Variants in PRUNE2 observed in about 807,000 individuals in gnomAD.
PRUNE2 encodes protein prune homolog 2.
Under a neutral mutation model 252.0 loss-of-function variants are expected in PRUNE2, and 164 were observed. The ratio of observed to expected loss-of-function variants is 0.65; its 90% CI spans 0.57 to 0.74. The LOEUF (loss-of-function observed/expected upper bound fraction) is 0.74. Ranked by LOEUF, PRUNE2 falls within the 30% of genes least tolerant of loss-of-function variation. PRUNE2 has a pLI of 0.00. For synonymous variants in PRUNE2, 1,292 were observed against 1,350.2 expected (o/e 0.96, Z 0.94); for missense variants, 3,495 against 3,711.0 (o/e 0.94, Z 1.51).
chr9:76,866,104 T>C (rs547610931), intron 1 of PRUNE2, among the ~76,000 whole-genome samples: 45 of 152,348 alleles, frequency 3.0e-4, no homozygotes, highest in African/African-American at 1.1e-3. Context: ...TATTGAACTC[T>C]ACCAAAACAT....
intron 7 of PRUNE2, 22 bp from the exon 8 acceptor site, chr9:76,711,380 T>C: frequency 6.4e-7 from 1 of 1,564,690 alleles, no homozygotes; most frequent in Non-Finnish European, 8.7e-7. Context: ...CACAGGAATT[T>C]GTGTCAGCAC....
chr9:76,701,795 T>C (rs2045909093), intron 9 of PRUNE2, among the ~76,000 whole-genome samples: 2 of 152,208 alleles, frequency 1.3e-5, no homozygotes, highest in South Asian at 4.1e-4. Flanking sequence ...AGAAATGTAA[T>C]TTGTGAATGC....
chr9:76,788,318 T>C, intron 6 of PRUNE2: 2 of 655,650 alleles, frequency 3.1e-6, no homozygotes, highest in Non-Finnish European at 2.8e-6. Flanking sequence ...TTACCGTGGC[T>C]AGAGTTACCA....
intron 6 of PRUNE2, among the ~76,000 whole-genome samples, chr9:76,752,976 G>C (rs2050765565): frequency 6.6e-6 from 1 of 152,182 alleles, no homozygotes; most frequent in Admixed American, 6.5e-5. Flanking sequence ...CTATTAATGA[G>C]ATATTTAAAC....
chr9:76,714,986 A>C (rs2047023612), intron 6 of PRUNE2, among the ~76,000 whole-genome samples: 1 of 152,218 alleles, frequency 6.6e-6, no homozygotes. Flanking sequence ...CTCAACAAAA[A>C]ACACCATGAT....
intron 9 of PRUNE2, among the ~76,000 whole-genome samples, chr9:76,656,454 G>A (rs1164716746): frequency 6.6e-6 from 1 of 152,100 alleles, no homozygotes; most frequent in Non-Finnish European, 1.5e-5. Flanking sequence ...GTCCCCTTCT[G>A]CCTCTCTTAC....
At chr9:76,696,641 G>C (rs1000373397) in intron 9 of PRUNE2, among the ~76,000 whole-genome samples, 2 of 152,182 alleles carry the variant, frequency 1.3e-5, no homozygotes, top group African/African-American at 4.8e-5. Context: ...GGCCAGGATG[G>C]TCTCAAACTC....
chr9:76,677,161 T>C (rs1472488295), intron 9 of PRUNE2, among the ~76,000 whole-genome samples: 1 of 152,272 alleles, frequency 6.6e-6, no homozygotes, highest in Non-Finnish European at 1.5e-5. Flanking sequence ...CAGTCTGTTT[T>C]CCAATTCAAT....
At chr9:76,763,489 C>T (rs1189914374) in intron 6 of PRUNE2, among the ~76,000 whole-genome samples, 1 of 152,168 alleles carries the variant, frequency 6.6e-6, no homozygotes, top group Non-Finnish European at 1.5e-5. Context: ...AAAACATACT[C>T]GTAATACCAC....
intron 4 of PRUNE2, among the ~76,000 whole-genome samples, chr9:76,841,470 T>A (rs888177343): frequency 2.6e-5 from 4 of 152,142 alleles, no homozygotes; most frequent in Non-Finnish European, 4.4e-5. Flanking sequence ...GAGACAGAAC[T>A]GTTCACTCCC....
intron 7 of PRUNE2, 108 bp downstream of exon 7, chr9:76,713,455 T>C: frequency 1.3e-6 from 1 of 790,328 alleles, no homozygotes; most frequent in Non-Finnish European, 1.8e-6. Context: ...CTCTACCTCT[T>C]GGGCTAATTG....
At chr9:76,717,623 C>T (rs1176503331) in intron 6 of PRUNE2, among the ~76,000 whole-genome samples, 3 of 152,116 alleles carry the variant, frequency 2.0e-5, no homozygotes, top group Non-Finnish European at 4.4e-5. Context: ...ATATATCTCC[C>T]ATTCAATTTA....
chr9:76,708,590 G>A lies in PRUNE2; in HGVS notation c.3684C>T (p.Asp1228=), dbSNP rs1588729536. 5 of 1,613,896 alleles carry A rather than the reference G, an allele frequency of 3.1e-6. No individual in the cohort carries two copies. Among genetic ancestry groups the A allele is most frequent in the Non-Finnish European group, 4.2e-6 (5 of 1,179,848 alleles). ...SIWDSVMRDK[D]MSSFMLPGSS... Reference sequence around the variant, plus strand: ...AGCCTGGTAACATGAATGATGACATGTCTTTATCTCTCATGACAGAATCCC... The same window carrying A: ...AGCCTGGTAACATGAATGATGACATATCTTTATCTCTCATGACAGAATCCC... The change falls in exon 8 of 19, where the codon GAC becomes GAT. Residue 1228 remains aspartate, a synonymous_variant. Transcript: ENST00000376718.
At chr9:76,779,886 A>C (rs1422563321) in intron 6 of PRUNE2, 1 of 152,240 alleles carries the variant, frequency 6.6e-6, no homozygotes, top group Non-Finnish European at 1.5e-5. Flanking sequence ...ACTTTCCTCT[A>C]TACAGAGAAA....
At chr9:76,692,260 G>C (rs500952) in intron 9 of PRUNE2, 536,775 of 682,446 alleles carry the variant, frequency 0.79, 212,427 homozygotes, top group East Asian at 0.96. Context: ...TGCAGCCGCT[G>C]TGGCTAGGGG....
chr9:76,828,831 C>T (rs2058495808), intron 4 of PRUNE2, among the ~76,000 whole-genome samples: 1 of 152,078 alleles, frequency 6.6e-6, no homozygotes, highest in Non-Finnish European at 1.5e-5. Flanking sequence ...GCCTGCCCAA[C>T]ATGACAAAAC....
At chr9:76,624,148 G>A (rs952560645) in intron 17 of PRUNE2, among the ~76,000 whole-genome samples, 1 of 152,064 alleles carries the variant, frequency 6.6e-6, no homozygotes, top group Admixed American at 6.6e-5. Context: ...TGATCATCTC[G>A]ATGTCACACT....
chr9:76,798,535 T>C (rs73460287), intron 6 of PRUNE2, among the ~76,000 whole-genome samples: 5,345 of 152,302 alleles, frequency 0.035, 91 homozygotes, highest in East Asian at 0.07. Context: ...CGTTCATCTG[T>C]GAATGGACAC....
chr9:76,821,715 T>C (rs1298472206), intron 6 of PRUNE2, among the ~76,000 whole-genome samples: 1 of 152,188 alleles, frequency 6.6e-6, no homozygotes, highest in East Asian at 1.9e-4. Context: ...CTTAACCACC[T>C]GATTAATTAC....
Sources: gnomAD v4.1 joint callset for allele counts (sites outside exome capture counted in the v4.1 genomes callset) on GRCh38, gnomAD v4.1.1 for gene constraint, MANE v1.5 for transcripts, NCBI Gene and HGNC (gene_info 2026-07-23, HGNC 2026-07-21) for gene names.